Variants in AUTS2 observed in about 807,000 individuals in gnomAD.
AUTS2 encodes activator of transcription and developmental regulator AUTS2.
In AUTS2, 17 loss-of-function variants were observed where a neutral mutation model predicts 112.4. That is an observed-to-expected ratio of 0.15 (90% CI 0.10 to 0.23). The LOEUF (loss-of-function observed/expected upper bound fraction) is 0.23, where lower values mean the gene tolerates loss of function less well. Among genes scored for constraint, AUTS2 ranks in the 10% least tolerant of loss-of-function variants. The pLI, the probability that AUTS2 is intolerant of heterozygous loss-of-function variation, is 1.00. For synonymous variants in AUTS2, 751 were observed against 702.7 expected (o/e 1.07, Z -1.09); for missense variants, 1,510 against 1,701.6 (o/e 0.89, Z 1.98).
intron 4 of AUTS2, among the ~76,000 whole-genome samples, chr7:70,434,089 C>T (rs185704661): frequency 5.9e-5 from 9 of 152,266 alleles, no homozygotes; most frequent in East Asian, 5.8e-4. Flanking sequence ...CTGGACATCA[C>T]GTTCTTATAC....
At chr7:70,144,048 A>G (rs1364453246) in intron 4 of AUTS2, among the ~76,000 whole-genome samples, 1 of 152,138 alleles carries the variant, frequency 6.6e-6, no homozygotes, top group Non-Finnish European at 1.5e-5. Flanking sequence ...TTAGCATTAC[A>G]GAGACCCACC....
chr7:70,724,159 T>C (rs1786869289), intron 6 of AUTS2, among the ~76,000 whole-genome samples: 1 of 152,204 alleles, frequency 6.6e-6, no homozygotes, highest in Admixed American at 6.5e-5. Context: ...CTCAAAGTGT[T>C]GGGATTACAG....
rs13227743 is a variant in AUTS2 at position 70,694,330 on chromosome 7, C to T, written c.691-4239C>T. On this transcript the variant is annotated intron_variant, in intron 5 of 18. Coordinates refer to ENST00000342771, the MANE Select transcript of AUTS2 (RefSeq NM_015570.4). This position sits in a 1 kb window ranked among gnomAD's most constrained non-coding sequence, Gnocchi z 4.1. ...CCCGCGCCCCGCCGTTGCAGCGCCT[C>T]CTGGGCCGCGCGCCGGCGAGATCCG... The T allele has an allele frequency of 6.7e-6, 1 of 149,936 alleles. No homozygotes were observed. The highest frequency in any genetic ancestry group is 2.0e-4 in the East Asian group (1 of 5,016). The allele number at this position is 149,936 out of a possible 1,614,324, so 9.3% of individuals were successfully genotyped here.
intron 2 of AUTS2, among the ~76,000 whole-genome samples, chr7:70,021,740 T>C (rs959842586): frequency 6.6e-6 from 1 of 152,206 alleles, no homozygotes; most frequent in Non-Finnish European, 1.5e-5. Flanking sequence ...TAGTATTTAA[T>C]TCTGTTGAAT....
chr7:70,348,283 G>A (rs567791210), intron 4 of AUTS2, among the ~76,000 whole-genome samples: 7 of 152,278 alleles, frequency 4.6e-5, no homozygotes, highest in East Asian at 1.9e-4. Flanking sequence ...GGCAAAACAC[G>A]ATTATACATT....
At chr7:69,666,653 A>G (rs971129419) in intron 1 of AUTS2, among the ~76,000 whole-genome samples, 3 of 152,110 alleles carry the variant, frequency 2.0e-5, no homozygotes, top group Non-Finnish European at 4.4e-5. Context: ...TGTAATCCCA[A>G]CACTTTGAGA....
At chr7:69,874,920 C>T (rs949153086) in intron 1 of AUTS2, among the ~76,000 whole-genome samples, 1 of 151,702 alleles carries the variant, frequency 6.6e-6, no homozygotes, top group South Asian at 2.1e-4. Context: ...TGAGCCATTA[C>T]GTCCAGTTGC....
At chr7:70,193,374 G>A (rs946844855) in intron 4 of AUTS2, among the ~76,000 whole-genome samples, 13 of 152,178 alleles carry the variant, frequency 8.5e-5, no homozygotes, top group Non-Finnish European at 1.8e-4. Flanking sequence ...TCTTAAAACA[G>A]GAATACTGCT....
chr7:70,477,702 T>C (rs967139157), intron 5 of AUTS2, among the ~76,000 whole-genome samples: 1 of 152,206 alleles, frequency 6.6e-6, no homozygotes, highest in Non-Finnish European at 1.5e-5. Context: ...ATAGATTAAA[T>C]CTCAGATCAT....
At chr7:69,857,394 C>A (rs1440050754) in intron 1 of AUTS2, among the ~76,000 whole-genome samples, 1 of 152,180 alleles carries the variant, frequency 6.6e-6, no homozygotes, top group Non-Finnish European at 1.5e-5. Context: ...GCCGTCTTTG[C>A]TGTGTAAATT....
At chr7:69,605,889 A>G (rs940295173) in intron 1 of AUTS2, among the ~76,000 whole-genome samples, 3 of 152,200 alleles carry the variant, frequency 2.0e-5, no homozygotes, top group Non-Finnish European at 2.9e-5. Context: ...GTGTGTGGTT[A>G]TGAATTCAAG....
intron 2 of AUTS2, among the ~76,000 whole-genome samples, chr7:69,967,091 T>A (rs1797662524): frequency 6.6e-6 from 1 of 152,186 alleles, no homozygotes; most frequent in Admixed American, 6.5e-5. Context: ...GAGACTGGAC[T>A]GTTTTTAGTG....
At chr7:70,536,572 C>CTTT (rs34639179) in intron 5 of AUTS2, among the ~76,000 whole-genome samples, 738 of 49,040 alleles carry the variant, frequency 0.015, 205 homozygotes, top group African/African-American at 0.047. Flanking sequence ...GAAGCCAAGG[C>CTTT]TTTTTTTTTT....
intron 1 of AUTS2, among the ~76,000 whole-genome samples, chr7:69,664,425 T>C (rs1237046169): frequency 6.6e-6 from 1 of 152,250 alleles, no homozygotes; most frequent in Non-Finnish European, 1.5e-5. Flanking sequence ...AGTTCCAAGC[T>C]AGCTCTTGTG....
At chr7:70,126,524 A>G (rs968517663) in intron 3 of AUTS2, among the ~76,000 whole-genome samples, 2 of 152,192 alleles carry the variant, frequency 1.3e-5, no homozygotes, top group African/African-American at 2.4e-5. Context: ...CACATCAAGG[A>G]GACATAGTAA....
chr7:70,552,653 C>G (rs1280743039), intron 5 of AUTS2, among the ~76,000 whole-genome samples: 2 of 152,112 alleles, frequency 1.3e-5, no homozygotes, highest in African/African-American at 4.8e-5. Context: ...CTAATGATTC[C>G]CCTACGGATT....
intron 6 of AUTS2, among the ~76,000 whole-genome samples, chr7:70,724,639 G>T (rs1563153903): frequency 6.6e-6 from 1 of 151,712 alleles, no homozygotes; most frequent in Admixed American, 6.6e-5. Context: ...TACAGACAGG[G>T]TTTTACCGTG....
At chr7:69,727,377 G>A (rs1436585562) in intron 1 of AUTS2, among the ~76,000 whole-genome samples, 1 of 151,974 alleles carries the variant, frequency 6.6e-6, no homozygotes, top group Non-Finnish European at 1.5e-5. Context: ...GGATCACGAG[G>A]TCAGGAGTTC....
rs563278467 is a variant in AUTS2 at position 70,741,411 on chromosome 7, G to T, written c.743-21459G>T. On this transcript the variant is annotated intron_variant, in intron 6 of 18. Transcript: ENST00000342771. ...TGCTAAATGGTTAAGAAATAAATAG[G>T]CCGGGCGCGGTGGCTTACGCCTGTA... is the stretch of plus-strand genomic sequence containing the variant. Among the ~76,000 whole-genome samples the T allele has an allele frequency of 3.3e-5, 5 of 152,172 alleles. No homozygotes were observed. In the South Asian group the frequency reaches 1.0e-3, roughly 32 times the overall value.
Sources: gnomAD v4.1 joint callset for allele counts (sites outside exome capture counted in the v4.1 genomes callset) on GRCh38, gnomAD v4.1.1 for gene constraint, Gnocchi (gnomAD v3.1) non-coding constraint, MANE v1.5 for transcripts, NCBI Gene and HGNC (gene_info 2026-07-23, HGNC 2026-07-21) for gene names.